Variants in MACROD2 observed in about 807,000 individuals in gnomAD.
The protein encoded by MACROD2 is mono-ADP ribosylhydrolase 2.
Under a neutral mutation model 70.4 loss-of-function variants are expected in MACROD2, and 36 were observed. That is an observed-to-expected ratio of 0.51 (90% CI 0.39 to 0.68). The LOEUF (loss-of-function observed/expected upper bound fraction) is 0.68, where lower values mean the gene tolerates loss of function less well. Ranked by LOEUF, MACROD2 falls within the 30% of genes least tolerant of loss-of-function variation. The probability of loss-of-function intolerance (pLI) is 0.00; values close to 1 mark genes in which losing one functional copy is unlikely to be tolerated. For missense variants in MACROD2, 496 were observed against 538.4 expected (o/e 0.92, Z 0.78); for synonymous variants, 172 against 178.8 (o/e 0.96, Z 0.30).
chr20:15,528,980 A>G (rs2047759638), intron 8 of MACROD2, among the ~76,000 whole-genome samples: 1 of 152,180 alleles, frequency 6.6e-6, no homozygotes, highest in South Asian at 2.1e-4. Context: ...CTGCTCTAAC[A>G]AAGACACTCC....
intron 4 of MACROD2, among the ~76,000 whole-genome samples, chr20:14,555,302 C>G (rs916253869): frequency 3.9e-5 from 6 of 152,046 alleles, no homozygotes; most frequent in African/African-American, 1.2e-4. Context: ...CCCCCAAATT[C>G]TAGTAGTAGA....
intron 3 of MACROD2, among the ~76,000 whole-genome samples, chr20:14,304,359 C>T (rs1169648180): frequency 6.6e-6 from 1 of 152,150 alleles, no homozygotes; most frequent in Non-Finnish European, 1.5e-5. Flanking sequence ...AGGTAGTATC[C>T]ATTCTGTCGC....
chr20:15,747,450 T>C (rs114878628), intron 8 of MACROD2, among the ~76,000 whole-genome samples: 2 of 152,160 alleles, frequency 1.3e-5, no homozygotes, highest in African/African-American at 4.8e-5. Context: ...TCGAGAGTCC[T>C]TAGTGATGAA....
At chr20:14,180,106 A>G (rs1212736892) in intron 3 of MACROD2, among the ~76,000 whole-genome samples, 2 of 151,960 alleles carry the variant, frequency 1.3e-5, no homozygotes, top group Non-Finnish European at 2.9e-5. Context: ...TCTGGCAACC[A>G]CCATTCTGCT....
intron 8 of MACROD2, among the ~76,000 whole-genome samples, chr20:15,769,234 G>A (rs571578090): frequency 2.6e-5 from 4 of 152,200 alleles, no homozygotes; most frequent in East Asian, 1.9e-4. Context: ...TGCAACTTCC[G>A]CCTCCCGGGT....
chr20:15,324,678 T>C (rs112166521), intron 6 of MACROD2, among the ~76,000 whole-genome samples: 3 of 152,242 alleles, frequency 2.0e-5, no homozygotes, highest in African/African-American at 2.4e-5. Context: ...AACACCTAAA[T>C]AGAGACTGGT....
At chr20:16,012,131 G>A (rs1346215626) in intron 15 of MACROD2, among the ~76,000 whole-genome samples, 1 of 152,184 alleles carries the variant, frequency 6.6e-6, no homozygotes. Flanking sequence ...TTGGCAGCTG[G>A]GGAGGGGTCA....
chr20:14,642,462 A>T (rs143200122), intron 4 of MACROD2, among the ~76,000 whole-genome samples: 2 of 152,244 alleles, frequency 1.3e-5, no homozygotes, highest in African/African-American at 4.8e-5. Context: ...CAAGAGGCCT[A>T]GCTTTTGGCC....
At chr20:14,398,866 T>G (rs1280671731) in intron 3 of MACROD2, among the ~76,000 whole-genome samples, 1 of 152,198 alleles carries the variant, frequency 6.6e-6, no homozygotes, top group African/African-American at 2.4e-5. Flanking sequence ...TCACTTTCTT[T>G]CTGTCTGAAG....
Position 15,180,958 on chromosome 20 carries a change from AT to A in MACROD2, c.419-48981del, listed in dbSNP as rs2076496326. Among the ~76,000 whole-genome samples the A allele has an allele frequency of 7.2e-5, 11 of 152,290 alleles. No homozygotes were observed. The South Asian group carries it at 2.3e-3, about 32-fold the overall frequency. On this transcript the variant is annotated intron_variant, in intron 5 of 17. Transcript: ENST00000684519. ...TCTGTGTTACTACAGTGACTTCTTA[AT>A]GATTTTATATGCAGTGGTCCCATTA...
intron 6 of MACROD2, among the ~76,000 whole-genome samples, chr20:15,393,918 A>G (rs1238454403): frequency 6.6e-6 from 1 of 152,142 alleles, no homozygotes; most frequent in Non-Finnish European, 1.5e-5. Context: ...GCACATATGC[A>G]TGTACCCTTG....
chr20:14,669,626 G>T (rs776111374), intron 4 of MACROD2, among the ~76,000 whole-genome samples: 2 of 152,150 alleles, frequency 1.3e-5, no homozygotes, highest in Non-Finnish European at 2.9e-5. Context: ...TAAAACAAAT[G>T]AGGTTGTCTC....
chr20:15,230,849 A>G (rs771311455), intron 6 of MACROD2, among the ~76,000 whole-genome samples: 4 of 152,124 alleles, frequency 2.6e-5, no homozygotes, highest in Non-Finnish European at 4.4e-5. Flanking sequence ...CACTGTAAAT[A>G]TCTAATAATA....
intron 2 of MACROD2, among the ~76,000 whole-genome samples, chr20:14,016,620 T>A (rs1452477000): frequency 6.6e-6 from 1 of 152,134 alleles, no homozygotes; most frequent in Non-Finnish European, 1.5e-5. Flanking sequence ...TACCCAGTTT[T>A]CCAGTATTTG....
intron 4 of MACROD2, among the ~76,000 whole-genome samples, chr20:14,628,425 G>A (rs1473641120): frequency 6.6e-6 from 1 of 152,162 alleles, no homozygotes; most frequent in Non-Finnish European, 1.5e-5. Context: ...CCTGAGATTT[G>A]AAGGAATTTG....
At chr20:14,566,390 A>T (rs977896040) in intron 4 of MACROD2, among the ~76,000 whole-genome samples, 3 of 151,964 alleles carry the variant, frequency 2.0e-5, no homozygotes, top group Non-Finnish European at 2.9e-5. Flanking sequence ...TCATGCTTAT[A>T]AATAGCCAAT....
chr20:15,177,881 T>C (rs947921208), intron 5 of MACROD2, among the ~76,000 whole-genome samples: 3 of 152,012 alleles, frequency 2.0e-5, no homozygotes, highest in African/African-American at 7.2e-5. Context: ...TGCAATTGGG[T>C]CGTGTATCAT....
chr20:15,561,857 C>T (rs2048249055), intron 8 of MACROD2, among the ~76,000 whole-genome samples: 1 of 152,008 alleles, frequency 6.6e-6, no homozygotes, highest in African/African-American at 2.4e-5. Context: ...GCTACTGCAA[C>T]ATCTCTGCTT....
At chr20:15,571,243 G>A (rs1345255664) in intron 8 of MACROD2, among the ~76,000 whole-genome samples, 2 of 152,100 alleles carry the variant, frequency 1.3e-5, no homozygotes, top group African/African-American at 4.8e-5. Context: ...TCCTTGAAAG[G>A]AAAAATGGTT....
Sources: allele counts gnomAD v4.1 joint callset (sites outside exome capture counted in the v4.1 genomes callset), GRCh38; gene constraint gnomAD v4.1.1; transcripts MANE v1.5; gene names NCBI Gene and HGNC (gene_info 2026-07-23, HGNC 2026-07-21).